The following CFAP47 variants were observed in gnomAD, a reference collection of about 807,000 sequenced individuals.
The protein encoded by CFAP47 is cilia- and flagella-associated protein 47.
Under a neutral mutation model 148.1 loss-of-function variants are expected in CFAP47, and 29 were observed. That is an observed-to-expected ratio of 0.20 (90% CI 0.15 to 0.27). The LOEUF is 0.27. Ranked by LOEUF, CFAP47 falls within the 10% of genes least tolerant of loss-of-function variation. CFAP47 has a pLI of 1.00. For missense variants in CFAP47, 1,872 were observed against 1,697.5 expected, an observed-to-expected ratio of 1.10 and a Z score of -1.81; for synonymous variants, 664 against 577.3, an observed-to-expected ratio of 1.15 and a Z score of -2.15.
chrX:35,975,335 G>A lies in CFAP47; in HGVS notation c.2443G>A (p.Asp815Asn). ...CAGTACTTATATTTCAATGGTATTT[G>A]ACTCTCCCACCATTGGAAAATTTTG... The part of the protein sequence containing the change: ...TSSTYISMVF[D>N]SPTIGKFWKS... The change falls in exon 14 of 64, where the codon GAC becomes AAC. Residue 815 changes from aspartate (D) to asparagine (N), a missense_variant. Transcript: ENST00000378653. 1 of 1,193,993 alleles carries A rather than the reference G, an allele frequency of 8.4e-7. No homozygotes were observed. Among genetic ancestry groups the A allele is most frequent in the Non-Finnish European group, 1.1e-6 (1 of 884,742 alleles).
intron 33 of CFAP47, among the ~76,000 whole-genome samples, chrX:36,120,959 T>C (rs1055578168): frequency 2.7e-5 from 3 of 111,562 alleles, no homozygotes; most frequent in Non-Finnish European, 3.8e-5. Context: ...GAAAGTGGGG[T>C]GTTGAAGTCT....
chrX:35,962,414 T>C (rs774026346), intron 8 of CFAP47, among the ~76,000 whole-genome samples: 2 of 111,276 alleles, frequency 1.8e-5, no homozygotes, highest in Non-Finnish European at 3.8e-5. Context: ...TTATTGGAAG[T>C]GGGATATCAA....
chrX:36,250,637 G>GTA (rs781823384), intron 48 of CFAP47, among the ~76,000 whole-genome samples: 1,350 of 105,771 alleles, frequency 0.013, 14 homozygotes, highest in African/African-American at 0.035. Context: ...ATTTCACAAT[G>GTA]TATATATATA....
At chrX:36,253,156 A>G (rs956620673) in intron 49 of CFAP47, among the ~76,000 whole-genome samples, 8 of 112,152 alleles carry the variant, frequency 7.1e-5, no homozygotes, top group Non-Finnish European at 1.5e-4. Context: ...AATTTGGAAC[A>G]TATTTGGTGA....
At chrX:36,057,215 C>G (rs1383074380) in intron 26 of CFAP47, among the ~76,000 whole-genome samples, 1 of 111,463 alleles carries the variant, frequency 9.0e-6, no homozygotes, top group African/African-American at 3.3e-5. Context: ...ATTTAAGAGG[C>G]TAGACATAAT....
chrX:36,004,341 AT>A (rs1166414496), intron 21 of CFAP47, among the ~76,000 whole-genome samples: 1 of 111,047 alleles, frequency 9.0e-6, no homozygotes, highest in Non-Finnish European at 1.9e-5. Context: ...AGGCAATTTA[AT>A]TCACAATTGC....
chrX:36,115,994 T>C (rs1056748203), intron 33 of CFAP47, among the ~76,000 whole-genome samples: 1 of 112,268 alleles, frequency 8.9e-6, no homozygotes, highest in Non-Finnish European at 1.9e-5. Flanking sequence ...GTTATTTGTT[T>C]TGAAATAGAC....
intron 42 of CFAP47, among the ~76,000 whole-genome samples, chrX:36,190,708 T>G (rs1432685208): frequency 9.0e-6 from 1 of 110,954 alleles, no homozygotes; most frequent in Non-Finnish European, 1.9e-5. Flanking sequence ...CCACCTACAC[T>G]TTCAAAACTA....
intron 40 of CFAP47, among the ~76,000 whole-genome samples, chrX:36,185,614 A>G (rs1235280300): frequency 8.9e-6 from 1 of 112,251 alleles, no homozygotes; most frequent in Admixed American, 9.5e-5. Flanking sequence ...GATTAAGACT[A>G]TCTTAGTCTG....
At chrX:36,241,889 C>G (rs782115305) in intron 48 of CFAP47, among the ~76,000 whole-genome samples, 91 of 111,971 alleles carry the variant, frequency 8.1e-4, no homozygotes, top group Admixed American at 2.4e-3. Context: ...TGCCAGTAAT[C>G]AAATGGGGCT....
rs191695511 is a variant in CFAP47, at chrX:36,150,651, A to G, written c.5786+1428A>G. Reference sequence around the variant, plus strand: ...AAAAGGGCCATTTTAAATTGTACCTAAAATATCCTGTAACCCATTTTCAAC... The same window carrying G: ...AAAAGGGCCATTTTAAATTGTACCTGAAATATCCTGTAACCCATTTTCAAC... On this transcript the variant is annotated intron_variant, in intron 37 of 63. Transcript: ENST00000378653. 9.0e-5 allele frequency among the ~76,000 whole-genome samples: 10 copies of G among 111,459 alleles called. No homozygotes were observed. In the East Asian group the frequency reaches 2.8e-3, roughly 32 times the overall value.
At chrX:36,229,830 A>C (rs1254177326) in intron 46 of CFAP47, among the ~76,000 whole-genome samples, 4 of 90,306 alleles carry the variant, frequency 4.4e-5, no homozygotes, top group Non-Finnish European at 6.3e-5. Context: ...CTCATTGTTC[A>C]ATTCCCACCT....
At chrX:35,940,333 C>A (rs1012754821) in intron 2 of CFAP47, among the ~76,000 whole-genome samples, 6 of 110,987 alleles carry the variant, frequency 5.4e-5, no homozygotes, top group African/African-American at 2.0e-4. Flanking sequence ...GCTTTTGTTG[C>A]CATTGCTTTT....
intron 29 of CFAP47, among the ~76,000 whole-genome samples, chrX:36,076,321 C>A (rs1266598414): frequency 1.4e-5 from 1 of 69,386 alleles, no homozygotes; most frequent in Admixed American, 1.9e-4. Context: ...TAATGCTATC[C>A]CTCCCCCCTC....
intron 49 of CFAP47, among the ~76,000 whole-genome samples, chrX:36,255,035 T>TC (rs1940733627): frequency 8.9e-6 from 1 of 111,903 alleles, no homozygotes; most frequent in African/African-American, 3.2e-5. Context: ...TTTGGAATTT[T>TC]CAAGGCAGCC....
chrX:35,971,419 G>A (rs1936488555), intron 11 of CFAP47, among the ~76,000 whole-genome samples, 167 bp from the exon 12 acceptor site: 1 of 111,538 alleles, frequency 9.0e-6, no homozygotes, highest in African/African-American at 3.3e-5. Context: ...TGAGAAGGGA[G>A]TCTCCTCAGC....
intron 39 of CFAP47, among the ~76,000 whole-genome samples, chrX:36,176,686 A>G (rs758671033): frequency 8.9e-6 from 1 of 112,249 alleles, no homozygotes; most frequent in South Asian, 3.7e-4. Flanking sequence ...CGGAGGGATC[A>G]TGAGGTCAGG....
chrX:36,321,833 T>C lies in CFAP47; in HGVS notation c.8443+2526T>C, dbSNP rs961387331. 3.6e-5 allele frequency among the ~76,000 whole-genome samples: 4 copies of C among 112,282 alleles called. No homozygotes were observed. In the East Asian group the frequency reaches 1.1e-3, roughly 31 times the overall value. On this transcript the variant is annotated intron_variant, in intron 57 of 63. Coordinates refer to ENST00000378653, the MANE Select transcript of CFAP47 (RefSeq NM_001304548.2). ...TATTTATACGTCTGCTTATACTTAA[T>C]TTCACTGATTCATTAAATACGTGAG... is the stretch of plus-strand genomic sequence containing the variant.
intron 21 of CFAP47, among the ~76,000 whole-genome samples, chrX:36,004,112 A>ACCATGGCACATGC (rs1936952644): frequency 9.2e-5 from 10 of 108,238 alleles, no homozygotes; most frequent in African/African-American, 3.4e-4. Flanking sequence ...AGCTGGGAGT[A>ACCATGGCACATGC]CAGGCATGTG....
Sources: allele counts gnomAD v4.1 joint callset (sites outside exome capture counted in the v4.1 genomes callset), GRCh38; gene constraint gnomAD v4.1.1; transcripts MANE v1.5; gene names NCBI Gene and HGNC (gene_info 2026-07-23, HGNC 2026-07-21).